SNX31: variants seen among roughly 807,000 people sequenced by gnomAD.
The protein encoded by SNX31 is sorting nexin 31, also known as sorting nexin-31.
SNX31 carries 58 observed loss-of-function variants against 65.4 expected under a neutral mutation model. That is an observed-to-expected ratio of 0.89 (90% CI 0.72 to 1.10). SNX31 has a LOEUF of 1.10. Ranked by LOEUF, SNX31 falls within the 50% of genes least tolerant of loss-of-function variation. The pLI is 0.00. For synonymous variants in SNX31, 181 were observed against 190.1 expected (o/e 0.95, Z 0.39); for missense variants, 523 against 529.7 (o/e 0.99, Z 0.12).
At chr8:100,580,087 G>T (rs1271624134) in intron 12 of SNX31, among the ~76,000 whole-genome samples, 1 of 151,082 alleles carries the variant, frequency 6.6e-6, no homozygotes. Flanking sequence ...GCTTTAACTT[G>T]GGAGGTGGAG....
chr8:100,659,342 A>G (rs1809735829), intron 1 of SNX31, among the ~76,000 whole-genome samples: 1 of 139,530 alleles, frequency 7.2e-6, no homozygotes. Context: ...CGACAGAGCA[A>G]AACTCCATCA....
intron 2 of SNX31, among the ~76,000 whole-genome samples, chr8:100,637,043 A>G (rs968175978): frequency 6.6e-5 from 10 of 152,054 alleles, no homozygotes; most frequent in East Asian, 1.9e-4. Context: ...TTATATTTCT[A>G]TTGGACCAGT....
intron 4 of SNX31, among the ~76,000 whole-genome samples, chr8:100,620,968 A>T (rs950054218): frequency 6.6e-6 from 1 of 152,086 alleles, no homozygotes; most frequent in Admixed American, 6.6e-5. Context: ...AAGAAAAATA[A>T]AAAAGGAAAA....
intron 5 of SNX31, among the ~76,000 whole-genome samples, chr8:100,615,981 A>C (rs143354991): frequency 1.3e-5 from 2 of 151,976 alleles, no homozygotes; most frequent in East Asian, 1.9e-4. Context: ...TCACTGTGTT[A>C]GCCAGAATGG....
At position 100,660,191 on chromosome 8, in the gene SNX31, G is replaced by A. The variant is rs1489302231; in HGVS notation, c.-58+2951C>T. 4.6e-5 allele frequency among the ~76,000 whole-genome samples: 7 copies of A among 152,212 alleles called. No homozygotes were observed. The highest frequency in any genetic ancestry group is 2.1e-4 in the South Asian group (1 of 4,822). On this transcript the variant is annotated intron_variant, in intron 1 of 5. Transcript: ENST00000520352. The surrounding 1 kb of genome is among the most constrained non-coding windows in gnomAD (Gnocchi z 4.1). ...ACCATCTTCCAGAGAACCATTTTAC[G>A]TAAACTACTTTGTTCAATCTTCACA...
chr8:100,634,399 CT>C (rs113824892), intron 3 of SNX31, among the ~76,000 whole-genome samples: 43,555 of 151,370 alleles, frequency 0.29, 7,422 homozygotes, highest in African/African-American at 0.47. Context: ...AATCCAGAAA[CT>C]TTTTTTTTAA....
intron 1 of SNX31, among the ~76,000 whole-genome samples, chr8:100,655,053 C>T (rs1820035204): frequency 6.6e-6 from 1 of 151,964 alleles, no homozygotes; most frequent in Admixed American, 6.6e-5. Context: ...GAAGGTGGGG[C>T]CAGTTACAAC....
At chr8:100,624,269 G>C (rs1334120320) in intron 4 of SNX31, among the ~76,000 whole-genome samples, 1 of 152,116 alleles carries the variant, frequency 6.6e-6, no homozygotes. Context: ...AACATAGTGA[G>C]ATCCTGTATC....
At chr8:100,657,907 C>A (rs563729198) in intron 1 of SNX31, 1 of 362,966 alleles carries the variant, frequency 2.8e-6, no homozygotes. Context: ...ACAACAACAA[C>A]AACAACAACA....
intron 9 of SNX31, among the ~76,000 whole-genome samples, chr8:100,599,724 T>C (rs781176989): frequency 1.3e-5 from 2 of 152,202 alleles, no homozygotes; most frequent in Non-Finnish European, 2.9e-5. Context: ...ACAGAGGCCA[T>C]TTCTTCTGTT....
upstream of SNX31, among the ~76,000 whole-genome samples, chr8:100,653,232 T>C (rs922422151): frequency 3.3e-5 from 5 of 152,174 alleles, no homozygotes; most frequent in African/African-American, 9.7e-5. Flanking sequence ...TGAGGAAATA[T>C]ATAAAATTAT....
intron 10 of SNX31, among the ~76,000 whole-genome samples, chr8:100,592,816 A>G (rs1000648802): frequency 7.9e-5 from 12 of 152,246 alleles, no homozygotes; most frequent in African/African-American, 2.9e-4. Flanking sequence ...CTGATGATAC[A>G]TGCTACAAGA....
intron 11 of SNX31, among the ~76,000 whole-genome samples, chr8:100,586,641 G>C (rs1814077012): frequency 6.6e-6 from 1 of 152,196 alleles, no homozygotes; most frequent in African/African-American, 2.4e-5. Flanking sequence ...TTTCCCCAAA[G>C]ATGTTTCATA....
intron 3 of SNX31, among the ~76,000 whole-genome samples, chr8:100,631,835 A>C (rs1818436715): frequency 6.6e-6 from 1 of 152,208 alleles, no homozygotes; most frequent in South Asian, 2.1e-4. Flanking sequence ...GCATATAGTC[A>C]AACTACTAAT....
chr8:100,577,530 A>G (rs1813147429), intron 12 of SNX31, among the ~76,000 whole-genome samples: 1 of 152,264 alleles, frequency 6.6e-6, no homozygotes, highest in African/African-American at 2.4e-5. Context: ...GGTAAACCCA[A>G]TATACCAGCA....
At chr8:100,616,329 G>A (rs1817197708) in intron 5 of SNX31, among the ~76,000 whole-genome samples, 1 of 152,140 alleles carries the variant, frequency 6.6e-6, no homozygotes, top group African/African-American at 2.4e-5. Context: ...CAATGATGAT[G>A]TCTTTGGGGA....
At position 100,614,440 on chromosome 8, in the gene SNX31, T is replaced by C. The variant is rs1418940391; in HGVS notation, c.433-1355A>G. On this transcript the variant is annotated intron_variant, in intron 5 of 13. Transcript: ENST00000311812. The surrounding 1 kb of genome is among the most constrained non-coding windows in gnomAD (Gnocchi z 5.1). ...TCATAAAGACATAAATATAAACACC[T>C]TCTTTTGAGAGGAGTGAGCATCAGC... Among the ~76,000 whole-genome samples, 1 of 152,184 alleles carries C rather than the reference T, an allele frequency of 6.6e-6. No homozygotes were observed. Among genetic ancestry groups the C allele is most frequent in the African/African-American group, 2.4e-5 (1 of 41,446 alleles).
At chr8:100,636,203 G>A (rs1360486695) in intron 2 of SNX31, among the ~76,000 whole-genome samples, 192 bp from the exon 3 acceptor site, 1 of 152,218 alleles carries the variant, frequency 6.6e-6, no homozygotes, top group Admixed American at 6.5e-5. Flanking sequence ...ATATATTCTG[G>A]AGACATTACT....
intron 11 of SNX31, among the ~76,000 whole-genome samples, chr8:100,585,532 G>A (rs1398568847): frequency 6.6e-6 from 1 of 152,146 alleles, no homozygotes; most frequent in Non-Finnish European, 1.5e-5. Context: ...TTCCAGGGGT[G>A]TAGAGCATTA....
Sources: gnomAD v4.1 joint callset for allele counts (sites outside exome capture counted in the v4.1 genomes callset) on GRCh38, gnomAD v4.1.1 for gene constraint, Gnocchi (gnomAD v3.1) non-coding constraint, MANE v1.5 for transcripts, NCBI Gene and HGNC (gene_info 2026-07-23, HGNC 2026-07-21) for gene names.